Variants in CASS4 observed in about 807,000 individuals in gnomAD.
CASS4 encodes the protein Cas scaffold protein family member 4, also known as cas scaffolding protein family member 4.
A neutral mutation model predicts 54.2 loss-of-function variants in CASS4; 22 were observed. The observed-to-expected ratio is 0.41, with a 90% CI of 0.29 to 0.58. The LOEUF is 0.58. Among genes scored for constraint, CASS4 ranks in the 20% least tolerant of loss-of-function variants. The pLI is 0.36. For synonymous variants in CASS4, 409 were observed against 391.5 expected (o/e 1.04, Z -0.53); for missense variants, 854 against 986.7 (o/e 0.87, Z 1.80).
intron 1 of CASS4, among the ~76,000 whole-genome samples, chr20:56,426,765 A>T (rs1979660426): frequency 1.3e-5 from 2 of 152,214 alleles, no homozygotes; most frequent in South Asian, 4.1e-4. Flanking sequence ...TTTGGTAGAG[A>T]TGAGGTTTCA....
chr20:56,412,335 A>C lies in CASS4; in HGVS notation c.-124A>C, dbSNP rs113602189. ...TTTTGATCGTTTCCCATGTGTTGTCAGATAGCTCCATAGAATTCAGTTTCT... is the reference window on the plus strand; with the variant it reads ...TTTTGATCGTTTCCCATGTGTTGTCCGATAGCTCCATAGAATTCAGTTTCT... On this transcript the variant is annotated 5_prime_UTR_variant, in exon 1 of 6. Transcript: ENST00000679887. This position sits in a 1 kb window ranked among gnomAD's most constrained non-coding sequence, Gnocchi z 4.2. 3.8e-4 allele frequency: 394 copies of C among 1,028,702 alleles called. 2 individuals carry two copies. The African/African-American group carries it at 5.7e-3, about 15-fold the overall frequency. 63.7% of individuals were successfully genotyped at this position (1,028,702 alleles called of 1,614,324 possible).
rs752549459 is a variant in CASS4 at position 56,452,391 on chromosome 20, C to G, written c.1215C>G (p.Ser405Arg). 1 of 1,614,000 alleles carries G rather than the reference C, an allele frequency of 6.2e-7. No individual in the cohort carries two copies. Among genetic ancestry groups the G allele is most frequent in the Admixed American group, 1.7e-5 (1 of 60,024 alleles). Residue 405 changes from serine (S) to arginine (R), a missense_variant, in exon 5 of 6, where the codon AGC becomes AGG. Physicochemically the swap from Ser to Arg is moderately radical, Grantham distance 110 (BLOSUM62 -1). Coordinates refer to ENST00000679887, the MANE Select transcript of CASS4 (RefSeq NM_020356.4). ...PDRLSGSSSD[S>R]RASIVSSCST... ...GATTATCAGGTTCCAGTTCTGACAG[C>G]AGAGCTAGCATCGTTTCCTCGTGCT...
rs756414497 is a variant in CASS4, at chr20:56,437,486, C to T, written c.359C>T (p.Ala120Val). The T allele has an allele frequency of 3.2e-5, 52 of 1,610,658 alleles. No homozygotes were observed. The Admixed American group carries it at 3.5e-4, about 11-fold the overall frequency. Reference sequence around the variant, plus strand: ...GTTTATGAGCAGATGAGGAGTTGGGCGGAGGGGCCCCAGCCCCCTACTGCC... The same window carrying T: ...GTTTATGAGCAGATGAGGAGTTGGGTGGAGGGGCCCCAGCCCCCTACTGCC... ...GPVYEQMRSWAEGPQPPTAQV... is the reference protein window; with the variant it reads ...GPVYEQMRSWVEGPQPPTAQV... Residue 120 changes from alanine to valine, a missense_variant, in exon 2 of 6, where the codon GCG (alanine) becomes GTG (valine). Ala to Val is a moderately conservative substitution (Grantham distance 64, BLOSUM62 0). Coordinates refer to ENST00000679887, the MANE Select transcript of CASS4 (RefSeq NM_020356.4). The surrounding 1 kb of genome is among the most constrained non-coding windows in gnomAD (Gnocchi z 4.7).
At chr20:56,418,512 G>T (rs1023776163) in intron 1 of CASS4, among the ~76,000 whole-genome samples, 2 of 152,204 alleles carry the variant, frequency 1.3e-5, no homozygotes, top group Non-Finnish European at 2.9e-5. Flanking sequence ...GATCACTCAG[G>T]CTGCTGTGCA....
chr20:56,460,233 T>A lies in CASS4; in HGVS notation c.*1486T>A, dbSNP rs1227885389. 2 of 152,588 alleles carry A rather than the reference T, an allele frequency of 1.3e-5. No homozygotes were observed. Among genetic ancestry groups the A allele is most frequent in the African/African-American group, 2.4e-5 (1 of 41,450 alleles). The allele number at this position is 152,588 out of a possible 1,614,324, so 9.5% of individuals were successfully genotyped here. ...TCTGGGTTGATAAATTCTGCTCAAT[T>A]TGAAAAATTTTATATTTTGTCTCAA... On this transcript the variant is annotated 3_prime_UTR_variant, in exon 6 of 6. Transcript: ENST00000679887.
At chr20:56,424,325 G>T (rs1263760006) in intron 1 of CASS4, among the ~76,000 whole-genome samples, 1 of 152,102 alleles carries the variant, frequency 6.6e-6, no homozygotes, top group Non-Finnish European at 1.5e-5. Flanking sequence ...GCAAGTTCTG[G>T]TTATGAAATA....
chr20:56,440,991 T>G (rs1980428255), intron 2 of CASS4, among the ~76,000 whole-genome samples: 1 of 149,294 alleles, frequency 6.7e-6, no homozygotes, highest in African/African-American at 2.5e-5. Flanking sequence ...AAAAAAAATT[T>G]TTTTTTTTTT....
rs142811598 is a variant in CASS4, at chr20:56,452,838, C to T, written c.1662C>T (p.Asn554=). 1 of 1,613,964 alleles carries T rather than the reference C, an allele frequency of 6.2e-7. No individual in the cohort carries two copies. The highest frequency in any genetic ancestry group is 8.5e-7 in the Non-Finnish European group (1 of 1,180,026). ...LEVLVTDSVQ[N]SPDDLERFVM... ...TTCTTGTGACTGACAGTGTCCAGAA[C>T]AGCCCAGATGACCTTGAGAGGTTTG... The change falls in exon 5 of 6, where the codon AAC becomes AAT. Residue 554 remains asparagine, a synonymous_variant. Coordinates refer to ENST00000679887, the MANE Select transcript of CASS4 (RefSeq NM_020356.4).
chr20:56,446,036 C>T (rs1442305937), intron 3 of CASS4, 35 bp downstream of exon 3: 2 of 1,409,528 alleles, frequency 1.4e-6, no homozygotes, highest in Non-Finnish European at 2.0e-6. Flanking sequence ...ATCACCCAGA[C>T]CTCTGCGCCC....
intron 3 of CASS4, among the ~76,000 whole-genome samples, chr20:56,447,248 A>C (rs1028762962): frequency 1.3e-5 from 2 of 152,078 alleles, no homozygotes; most frequent in Admixed American, 6.5e-5. Context: ...AAAAAAAAGA[A>C]GTCACTTTAG....
intron 5 of CASS4, among the ~76,000 whole-genome samples, chr20:56,456,469 G>T (rs1192897160): frequency 6.6e-6 from 1 of 152,036 alleles, no homozygotes; most frequent in Non-Finnish European, 1.5e-5. Context: ...CGCCTCACAG[G>T]TTCGGGCGAT....
At position 56,451,941 on chromosome 20, in the gene CASS4, CAG is replaced by C. The variant is rs1205327311; in HGVS notation, c.767_768del (p.Arg256LysfsTer40). On this transcript the variant is annotated frameshift_variant, in exon 5 of 6. Transcript: ENST00000679887. LOFTEE classifies it high-confidence loss of function. The part of the protein sequence containing the change: ...TPVSPGKASV[R>X]NTPLTSFAEE... ...CAGTGTCTCCAGGAAAGGCCAGCGT[CAG>C]AAACACGCCTCTCACCAGCTTTGCG... is the stretch of plus-strand genomic sequence containing the variant. The C allele has an allele frequency of 6.2e-7, 1 of 1,614,220 alleles. No individual in the cohort carries two copies.
intron 1 of CASS4, among the ~76,000 whole-genome samples, chr20:56,416,528 CGTGTGTGTGT>C (rs3219626): frequency 2.7e-5 from 4 of 149,196 alleles, no homozygotes; most frequent in Admixed American, 6.7e-5. Context: ...TGTTTACTTC[CGTGTGTGTGT>C]GTGTGTGTGT....
At chr20:56,426,567 C>T (rs1290490844) in intron 1 of CASS4, among the ~76,000 whole-genome samples, 5 of 151,756 alleles carry the variant, frequency 3.3e-5, no homozygotes. Flanking sequence ...CCTTCTTCTT[C>T]TTCTTTCCGC....
At chr20:56,419,551 C>T (rs2146263963) in intron 1 of CASS4, among the ~76,000 whole-genome samples, 1 of 152,278 alleles carries the variant, frequency 6.6e-6, no homozygotes, top group South Asian at 2.1e-4. Flanking sequence ...CTCAGCCTCC[C>T]AAGTAGCTGG....
In CASS4 at chr20:56,458,924, G is replaced by A. The variant is rs137858744; in HGVS notation, c.*177G>A. On this transcript the variant is annotated 3_prime_UTR_variant, in exon 6 of 6. Transcript: ENST00000679887. The stretch of plus-strand genomic sequence containing the variant: ...CAACCCCAGGGCATTGACTTACCCC[G>A]CAGGGGGTCAGGAAAGAGAGTCAGG... 2.7e-4 allele frequency: 163 copies of A among 608,214 alleles called. 1 individual carries two copies. The East Asian group carries it at 4.4e-3, about 16-fold the overall frequency. 37.7% of individuals were successfully genotyped at this position (608,214 alleles called of 1,614,324 possible).
chr20:56,426,591 G>A (rs756876582), intron 1 of CASS4, among the ~76,000 whole-genome samples: 8 of 142,704 alleles, frequency 5.6e-5, no homozygotes, highest in African/African-American at 7.9e-5. Flanking sequence ...CCCCTCCCCC[G>A]CCAAGACAAG....
At chr20:56,413,059 C>G (rs1978955912) in intron 1 of CASS4, among the ~76,000 whole-genome samples, 1 of 151,840 alleles carries the variant, frequency 6.6e-6, no homozygotes, top group Non-Finnish European at 1.5e-5. Context: ...TGAAAGAAGC[C>G]AGGCACGGTG....
At chr20:56,419,284 A>G (rs997059327) in intron 1 of CASS4, among the ~76,000 whole-genome samples, 3 of 152,220 alleles carry the variant, frequency 2.0e-5, no homozygotes, top group Admixed American at 6.5e-5. Context: ...TTTTTTAGGA[A>G]CCATTTCCAA....
Sources: gnomAD v4.1 joint callset for allele counts (sites outside exome capture counted in the v4.1 genomes callset) on GRCh38, gnomAD v4.1.1 for gene constraint, Gnocchi (gnomAD v3.1) non-coding constraint, MANE v1.5 for transcripts, NCBI Gene and HGNC (gene_info 2026-07-23, HGNC 2026-07-21) for gene names.